Variants in PLCE1 observed in about 807,000 individuals in gnomAD.
PLCE1 encodes 1-phosphatidylinositol 4,5-bisphosphate phosphodiesterase epsilon-1.
A neutral mutation model predicts 242.8 loss-of-function variants in PLCE1; 119 were observed. The observed-to-expected ratio is 0.49, with a 90% CI of 0.42 to 0.57. The LOEUF is 0.57. PLCE1 is among the 20% of genes least tolerant of loss of function. The probability of loss-of-function intolerance (pLI) is 0.00; values close to 1 mark genes in which losing one functional copy is unlikely to be tolerated. For missense variants in PLCE1, 2,441 were observed against 2,788.8 expected (o/e 0.88, Z 2.81); for synonymous variants, 945 against 1,017.4 (o/e 0.93, Z 1.35).
chr10:94,152,947 C>T (rs1033010006), intron 3 of PLCE1, among the ~76,000 whole-genome samples: 3 of 152,022 alleles, frequency 2.0e-5, no homozygotes, highest in Admixed American at 6.6e-5. Context: ...AATTGATACT[C>T]GTATCATCAA....
chr10:94,114,253 T>A (rs2046046569), intron 2 of PLCE1, among the ~76,000 whole-genome samples: 1 of 152,194 alleles, frequency 6.6e-6, no homozygotes, highest in South Asian at 2.1e-4. Context: ...TCCCCTGACC[T>A]CCTCACTTCC....
Position 94,246,601 on chromosome 10 carries a change from C to T in PLCE1, c.3076C>T (p.Gln1026Ter), listed in dbSNP as rs770196468. The change falls in exon 8 of 33, where the codon CAG becomes TAG. Residue 1026 changes from glutamine to a stop codon, truncating the protein, a stop_gained. Coordinates refer to ENST00000371380, the MANE Select transcript of PLCE1 (RefSeq NM_016341.4). LOFTEE classifies it high-confidence loss of function. The part of the protein sequence containing the change: ...PDQRQQWLRK[Q>*]YVSLYQEDGR... ...CCAAAGACAGCAGTGGCTGCGGAAA[C>T]AGTACGTCAGCCTTTATCAGGTAAG... is the stretch of plus-strand genomic sequence containing the variant. The T allele has an allele frequency of 6.2e-7, 1 of 1,613,988 alleles. No individual in the cohort carries two copies. Among genetic ancestry groups the T allele is most frequent in the Non-Finnish European group, 8.5e-7 (1 of 1,179,924 alleles).
Position 94,332,505 on chromosome 10 carries a change from C to CTGTGTGTGTGTGTGTGTGTGTGTGTG in PLCE1, c.*4580_*4605dup, listed in dbSNP as rs10537252. ...ATATAGCCTCAGGATATGTGTGTGC[C>CTGTGTGTGTGTGTGTGTGTGTGTGTG]TGTGTGTGTGTGTGTGTGTGTGTGT... On this transcript the variant is annotated 3_prime_UTR_variant, in exon 33 of 33. Coordinates refer to ENST00000371380, the MANE Select transcript of PLCE1 (RefSeq NM_016341.4). The CTGTGTGTGTGTGTGTGTGTGTGTGTG allele has an allele frequency of 1.4e-5, 2 of 145,694 alleles. No individual in the cohort carries two copies. The allele number at this position is 145,694 out of a possible 1,614,324, so 9.0% of individuals were successfully genotyped here. A position where few individuals can be genotyped will look rare whatever the true frequency, so the allele number is the denominator to read the frequency against.
intron 14 of PLCE1, among the ~76,000 whole-genome samples, chr10:94,262,940 C>T (rs919318075): frequency 4.7e-5 from 7 of 150,314 alleles, no homozygotes; most frequent in African/African-American, 9.8e-5. Flanking sequence ...GGTGTGATCT[C>T]GGCTCACTAC....
At chr10:94,071,786 A>ACTGTGCCTAGCCTTCCT (rs1446628854) in intron 2 of PLCE1, among the ~76,000 whole-genome samples, 1 of 151,978 alleles carries the variant, frequency 6.6e-6, no homozygotes, top group Non-Finnish European at 1.5e-5. Context: ...GGGGTGAACC[A>ACTGTGCCTAGCCTTCCT]CTGTGCCTAG....
chr10:94,271,596 GA>G (rs1199091870), intron 18 of PLCE1, among the ~76,000 whole-genome samples: 1 of 152,002 alleles, frequency 6.6e-6, no homozygotes, highest in Non-Finnish European at 1.5e-5. Flanking sequence ...TTACATACGT[GA>G]GGCACCGCAC....
chr10:94,179,512 G>GTTTTTTTTTTTT lies in PLCE1; in HGVS notation c.1809+8023_1809+8034dup, dbSNP rs1554877545. Among the ~76,000 whole-genome samples the GTTTTTTTTTTTT allele has an allele frequency of 2.1e-3, 41 of 19,386 alleles. 2 individuals carry two copies. Among genetic ancestry groups the GTTTTTTTTTTTT allele is most frequent in the African/African-American group, 5.1e-3 (32 of 6,282 alleles). The allele number at this position is 19,386 out of a possible 152,430, so 12.7% of individuals were successfully genotyped here. On this transcript the variant is annotated intron_variant, in intron 4 of 32. Coordinates refer to ENST00000371380, the MANE Select transcript of PLCE1 (RefSeq NM_016341.4). Reference sequence around the variant, plus strand: ...TTTATCTTATTTTTATTTTAGTTTAGTTTTTTTTTTTTTTTTTTGACAGGG... The same window carrying GTTTTTTTTTTTT: ...TTTATCTTATTTTTATTTTAGTTTAGTTTTTTTTTTTTTTTTTTTTTTTTTTTTTTGACAGGG...
chr10:94,313,435 G>A, intron 28 of PLCE1, 53 bp downstream of exon 28: 2 of 1,597,622 alleles, frequency 1.3e-6, no homozygotes, highest in South Asian at 2.2e-5. Context: ...ATGTATGGAT[G>A]TATGTGTGTG....
rs777436865 is a variant in PLCE1 at position 94,031,645 on chromosome 10, C to T, written c.599C>T (p.Thr200Ile). The part of the protein sequence containing the change: ...HYEVDRRMSD[T>I]FCTLSENLIL... ...GAAGTTGACAGAAGAATGTCAGACACTTTCTGTACCCTATCAGAAAACTTA... is the reference window on the plus strand; with the variant it reads ...GAAGTTGACAGAAGAATGTCAGACATTTTCTGTACCCTATCAGAAAACTTA... The change falls in exon 2 of 33, where the codon ACT becomes ATT. Residue 200 changes from threonine to isoleucine, a missense_variant. This residue lies in a region of PLCE1 where 393 missense variants were observed against 378.5 expected (regional missense o/e 1.04). Coordinates refer to ENST00000371380, the MANE Select transcript of PLCE1 (RefSeq NM_016341.4). 6.7e-5 allele frequency: 108 copies of T among 1,613,686 alleles called. No individual in the cohort carries two copies. In the Admixed American group the frequency reaches 1.8e-3, roughly 26 times the overall value.
chr10:94,069,846 C>G (rs538449226), intron 2 of PLCE1, among the ~76,000 whole-genome samples: 3 of 152,070 alleles, frequency 2.0e-5, no homozygotes, highest in Non-Finnish European at 2.9e-5. Context: ...TTAAGGAGTG[C>G]GTCTTCTGAG....
chr10:94,235,849 C>A, intron 6 of PLCE1, 66 bp from the exon 7 acceptor site: 1 of 1,517,676 alleles, frequency 6.6e-7, no homozygotes. Context: ...GATTTCATTT[C>A]CCTAGCCAAG....
chr10:94,309,792 T>C (rs1304088324), intron 27 of PLCE1, among the ~76,000 whole-genome samples: 2 of 152,070 alleles, frequency 1.3e-5, no homozygotes, highest in Non-Finnish European at 2.9e-5. Context: ...CCCAACACTT[T>C]GGGAGGCCAA....
At chr10:94,175,667 T>G (rs756868157) in intron 4 of PLCE1, among the ~76,000 whole-genome samples, 45 of 152,182 alleles carry the variant, frequency 3.0e-4, no homozygotes, top group Non-Finnish European at 6.2e-4. Flanking sequence ...TACATTTTTT[T>G]CTGACTATTG....
chr10:94,134,232 G>A (rs1334821773), intron 3 of PLCE1, among the ~76,000 whole-genome samples: 1 of 151,940 alleles, frequency 6.6e-6, no homozygotes, highest in Non-Finnish European at 1.5e-5. Context: ...CCGAGTAGCT[G>A]GGACCACAGG....
At chr10:94,154,377 A>G (rs762783529) in intron 3 of PLCE1, among the ~76,000 whole-genome samples, 19 of 152,240 alleles carry the variant, frequency 1.2e-4, no homozygotes, top group African/African-American at 4.6e-4. Flanking sequence ...CATAGAAAAT[A>G]TAGAGGAAAA....
At chr10:94,216,176 T>A (rs1428156348) in intron 4 of PLCE1, among the ~76,000 whole-genome samples, 4 of 152,244 alleles carry the variant, frequency 2.6e-5, no homozygotes, top group African/African-American at 7.2e-5. Context: ...AAGTAGACTC[T>A]GTAAAAGCAT....
intron 29 of PLCE1, among the ~76,000 whole-genome samples, chr10:94,317,277 G>GT (rs1322386888): frequency 6.6e-6 from 1 of 151,992 alleles, no homozygotes; most frequent in Non-Finnish European, 1.5e-5. Flanking sequence ...AAGGAAATAT[G>GT]TTTTCTCACA....
intron 1 of PLCE1, among the ~76,000 whole-genome samples, chr10:94,004,303 G>A (rs1468605941): frequency 6.6e-6 from 1 of 152,138 alleles, no homozygotes; most frequent in African/African-American, 2.4e-5. Flanking sequence ...ACATTAAATA[G>A]CAGAGCAGCA....
intron 2 of PLCE1, chr10:94,105,965 G>A (rs1037845698): frequency 6.6e-6 from 1 of 152,080 alleles, no homozygotes; most frequent in African/African-American, 2.4e-5. Context: ...TATAAGGTTG[G>A]TACTATCATT....
Sources: gnomAD v4.1 joint callset for allele counts (sites outside exome capture counted in the v4.1 genomes callset) on GRCh38, gnomAD v4.1.1 for gene constraint, gnomAD v4.1.1 regional missense constraint, MANE v1.5 for transcripts, NCBI Gene and HGNC (gene_info 2026-07-23, HGNC 2026-07-21) for gene names.